Variants in H2BC9 observed in about 807,000 individuals in gnomAD.
H2BC9 encodes the protein H2B clustered histone 9, also known as histone H2B type 1-H.
A neutral mutation model predicts 5.8 loss-of-function variants in H2BC9; 11 were observed. That is an observed-to-expected ratio of 1.89 (90% CI 1.19 to 3.12). The LOEUF is 3.12. H2BC9 is among the 30% of genes most tolerant of loss of function. The pLI is 0.00. For missense variants in H2BC9, 219 were observed against 167.8 expected (o/e 1.30, Z -1.68); for synonymous variants, 136 against 72.2 (o/e 1.88, Z -4.48).
Position 26,251,635 on chromosome 6 carries a change from C to G in H2BC9, c.-16C>G. The G allele has an allele frequency of 6.2e-7, 1 of 1,613,990 alleles. No individual in the cohort carries two copies. The highest frequency in any genetic ancestry group is 8.5e-7 in the Non-Finnish European group (1 of 1,179,994). On this transcript the variant is annotated 5_prime_UTR_variant, in exon 1 of 1. Coordinates refer to ENST00000619466, the MANE Select transcript of H2BC9 (RefSeq NM_003524.3). Reference sequence around the variant, plus strand: ...CTTCACTTTGGGGTGTATTCTTACTCCTTTATCTTGTTGCAATGCCTGATC... The same window carrying G: ...CTTCACTTTGGGGTGTATTCTTACTGCTTTATCTTGTTGCAATGCCTGATC...
In H2BC9 at chr6:26,251,986, G is replaced by T. The variant is rs764642661; in HGVS notation, c.336G>T (p.Val112=). 2 of 1,614,230 alleles carry T rather than the reference G, an allele frequency of 1.2e-6. No individual in the cohort carries two copies. The highest frequency in any genetic ancestry group is 1.7e-6 in the Non-Finnish European group (2 of 1,180,036). Residue 112 remains valine (V), a synonymous_variant, in exon 1 of 1, where the codon GTG becomes GTT. Transcript: ENST00000619466. ...LLPGELAKHA[V]SEGTKAVTKY... ...CTGGGGAACTGGCCAAGCACGCCGT[G>T]TCCGAGGGCACTAAGGCCGTCACCA...
At position 26,251,813 on chromosome 6, in the gene H2BC9, A is replaced by C. The variant is rs1417923051; in HGVS notation, c.163A>C (p.Ile55Leu). Reference protein sequence around the residue: ...VLKQVHPDTGISSKAMGIMNS... With the variant: ...VLKQVHPDTGLSSKAMGIMNS... ...GAAGCAAGTCCACCCCGACACCGGC[A>C]TCTCCTCCAAAGCCATGGGGATCAT... is the stretch of plus-strand genomic sequence containing the variant. The change falls in exon 1 of 1, where the codon ATC (isoleucine) becomes CTC (leucine). Residue 55 changes from isoleucine (I) to leucine (L), a missense_variant. Physicochemically the swap from Ile to Leu is conservative, Grantham distance 5. Coordinates refer to ENST00000619466, the MANE Select transcript of H2BC9 (RefSeq NM_003524.3). 1 of 1,614,248 alleles carries C rather than the reference A, an allele frequency of 6.2e-7. No homozygotes were observed. The highest frequency in any genetic ancestry group is 1.7e-5 in the Admixed American group (1 of 60,026).
rs757423917 is a variant in H2BC9, at chr6:26,251,697, A to C, written c.47A>C (p.Lys16Thr). 6 of 1,614,192 alleles carry C rather than the reference A, an allele frequency of 3.7e-6. No individual in the cohort carries two copies. The change falls in exon 1 of 1, where the codon AAG becomes ACG. Residue 16 changes from lysine to threonine, a missense_variant. Lys to Thr is a moderately conservative substitution (Grantham distance 78). Coordinates refer to ENST00000619466, the MANE Select transcript of H2BC9 (RefSeq NM_003524.3). ...KSAPAPKKGS[K>T]KAVTKAQKKD... is the part of the protein sequence containing the mutation. Reference sequence around the variant, plus strand: ...GCTCCCGCCCCGAAGAAGGGCTCCAAGAAGGCGGTGACCAAGGCGCAGAAG... The same window carrying C: ...GCTCCCGCCCCGAAGAAGGGCTCCACGAAGGCGGTGACCAAGGCGCAGAAG...
In H2BC9 at chr6:26,251,801, C is replaced by A; in HGVS notation, c.151C>A (p.Pro51Thr). ...YVYKVLKQVH[P>T]DTGISSKAMG... Reference sequence around the variant, plus strand: ...TTACAAGGTGCTGAAGCAAGTCCACCCCGACACCGGCATCTCCTCCAAAGC... The same window carrying A: ...TTACAAGGTGCTGAAGCAAGTCCACACCGACACCGGCATCTCCTCCAAAGC... Residue 51 changes from proline (P) to threonine (T), a missense_variant, in exon 1 of 1, where the codon CCC becomes ACC. Physicochemically the swap from Pro to Thr is conservative, Grantham distance 38. Coordinates refer to ENST00000619466, the MANE Select transcript of H2BC9 (RefSeq NM_003524.3). 1 of 1,614,214 alleles carries A rather than the reference C, an allele frequency of 6.2e-7. No homozygotes were observed. Among genetic ancestry groups the A allele is most frequent in the Non-Finnish European group, 8.5e-7 (1 of 1,180,030 alleles).
Position 26,251,797 on chromosome 6 carries a change from C to A in H2BC9, c.147C>A (p.Val49=), listed in dbSNP as rs1561759827. Residue 49 remains valine (V), a synonymous_variant, in exon 1 of 1, where the codon GTC becomes GTA. Transcript: ENST00000619466. ...ACGTTTACAAGGTGCTGAAGCAAGT[C>A]CACCCCGACACCGGCATCTCCTCCA... ...SVYVYKVLKQ[V]HPDTGISSKA... 6.2e-7 allele frequency: 1 copy of A among 1,614,110 alleles called. No individual in the cohort carries two copies. Among genetic ancestry groups the A allele is most frequent in the African/African-American group, 1.3e-5 (1 of 74,940 alleles).
In H2BC9 at chr6:26,251,662, A is replaced by G. The variant is rs777126926; in HGVS notation, c.12A>G (p.Pro4=). The stretch of plus-strand genomic sequence containing the variant: ...TTTATCTTGTTGCAATGCCTGATCC[A>G]GCTAAGTCCGCTCCCGCCCCGAAGA... MPD[P]AKSAPAPKKG... The change falls in exon 1 of 1, where the codon CCA becomes CCG. Residue 4 remains proline (P), a synonymous_variant. Coordinates refer to ENST00000619466, the MANE Select transcript of H2BC9 (RefSeq NM_003524.3). 2.5e-6 allele frequency: 4 copies of G among 1,613,964 alleles called. No homozygotes were observed. The highest frequency in any genetic ancestry group is 2.5e-6 in the Non-Finnish European group (3 of 1,180,040).
Position 26,251,941 on chromosome 6 carries a change from AG to A in H2BC9, c.292del (p.Ala98ProfsTer?), listed in dbSNP as rs1361665935. ...CCATCACCTCCAGGGAGATCCAGAC[AG>A]CCGTGCGCCTGCTGCTGCCTGGGGA... ...STITSREIQT[A>X]VRLLLPGELA... is the part of the protein sequence containing the mutation. On this transcript the variant is annotated frameshift_variant, in exon 1 of 1. Transcript: ENST00000619466. LOFTEE classifies it high-confidence loss of function. 1.2e-6 allele frequency: 2 copies of A among 1,614,092 alleles called. No individual in the cohort carries two copies. The highest frequency in any genetic ancestry group is 2.7e-5 in the African/African-American group (2 of 74,924).
Position 26,251,715 on chromosome 6 carries a change from C to T in H2BC9, c.65C>T (p.Ala22Val), listed in dbSNP as rs1401840909. ...GGCTCCAAGAAGGCGGTGACCAAGGCGCAGAAGAAGGATGGCAAGAAGCGT... is the reference window on the plus strand; with the variant it reads ...GGCTCCAAGAAGGCGGTGACCAAGGTGCAGAAGAAGGATGGCAAGAAGCGT... ...KKGSKKAVTK[A>V]QKKDGKKRKR... The change falls in exon 1 of 1, where the codon GCG becomes GTG. Residue 22 changes from alanine to valine, a missense_variant. Ala to Val is a moderately conservative substitution (Grantham distance 64). Coordinates refer to ENST00000619466, the MANE Select transcript of H2BC9 (RefSeq NM_003524.3). The T allele has an allele frequency of 6.2e-7, 1 of 1,614,122 alleles. No homozygotes were observed. Among genetic ancestry groups the T allele is most frequent in the Non-Finnish European group, 8.5e-7 (1 of 1,180,022 alleles).
rs769857272 is a variant in H2BC9 at position 26,251,795 on chromosome 6, G to A, written c.145G>A (p.Val49Ile). The A allele has an allele frequency of 1.9e-6, 3 of 1,614,110 alleles. No individual in the cohort carries two copies. Among genetic ancestry groups the A allele is most frequent in the East Asian group, 2.2e-5 (1 of 44,898 alleles). ...SVYVYKVLKQ[V>I]HPDTGISSKA... ...ATACGTTTACAAGGTGCTGAAGCAA[G>A]TCCACCCCGACACCGGCATCTCCTC... Residue 49 changes from valine (V) to isoleucine (I), a missense_variant, in exon 1 of 1, where the codon GTC (valine) becomes ATC (isoleucine). Coordinates refer to ENST00000619466, the MANE Select transcript of H2BC9 (RefSeq NM_003524.3).
In H2BC9 at chr6:26,252,045, C is replaced by A. The variant is rs368923300; in HGVS notation, c.*14C>A. The A allele has an allele frequency of 1.2e-4, 194 of 1,613,978 alleles. No individual in the cohort carries two copies. The highest frequency in any genetic ancestry group is 1.5e-4 in the Non-Finnish European group (181 of 1,180,012). ...AGCTCCAAATAAATGGACGCATGTT[C>A]AAACCCAAAGGCTCTTTTCAGAGCC... On this transcript the variant is annotated 3_prime_UTR_variant, in exon 1 of 1. Transcript: ENST00000619466.
chr6:26,251,938 G>A lies in H2BC9; in HGVS notation c.288G>A (p.Gln96=), dbSNP rs1760089955. The A allele has an allele frequency of 1.2e-6, 2 of 1,614,220 alleles. No homozygotes were observed. Among genetic ancestry groups the A allele is most frequent in the African/African-American group, 1.3e-5 (1 of 75,044 alleles). ...CGACCATCACCTCCAGGGAGATCCAGACAGCCGTGCGCCTGCTGCTGCCTG... is the reference window on the plus strand; with the variant it reads ...CGACCATCACCTCCAGGGAGATCCAAACAGCCGTGCGCCTGCTGCTGCCTG... ...KRSTITSREI[Q]TAVRLLLPGE... is the part of the protein sequence containing the mutation. The change falls in exon 1 of 1, where the codon CAG becomes CAA. Residue 96 remains glutamine, a synonymous_variant. Transcript: ENST00000619466.
At position 26,251,659 on chromosome 6, in the gene H2BC9, T is replaced by TCCAG. The variant is rs1561759626; in HGVS notation, c.11_14dup (p.Lys6SerfsTer2). The TCCAG allele has an allele frequency of 6.2e-7, 1 of 1,614,010 alleles. No homozygotes were observed. Among genetic ancestry groups the TCCAG allele is most frequent in the South Asian group, 1.1e-5 (1 of 91,084 alleles). On this transcript the variant is annotated frameshift_variant, in exon 1 of 1. Coordinates refer to ENST00000619466, the MANE Select transcript of H2BC9 (RefSeq NM_003524.3). LOFTEE classifies it high-confidence loss of function. ...TCCTTTATCTTGTTGCAATGCCTGA[T>TCCAG]CCAGCTAAGTCCGCTCCCGCCCCGA...
Position 26,251,812 on chromosome 6 carries a change from C to T in H2BC9, c.162C>T (p.Gly54=), listed in dbSNP as rs374188201. The change falls in exon 1 of 1, where the codon GGC becomes GGT. Residue 54 remains glycine (G), a synonymous_variant. Transcript: ENST00000619466. ...TGAAGCAAGTCCACCCCGACACCGGCATCTCCTCCAAAGCCATGGGGATCA... is the reference window on the plus strand; with the variant it reads ...TGAAGCAAGTCCACCCCGACACCGGTATCTCCTCCAAAGCCATGGGGATCA... ...KVLKQVHPDT[G]ISSKAMGIMN... is the part of the protein sequence containing the mutation. 101 of 1,614,126 alleles carry T rather than the reference C, an allele frequency of 6.3e-5. No individual in the cohort carries two copies. The highest frequency in any genetic ancestry group is 1.6e-4 in the Middle Eastern group (1 of 6,084).
rs1039251662 is a variant in H2BC9 at position 26,251,850 on chromosome 6, T to C, written c.200T>C (p.Val67Ala). ...SKAMGIMNSFVNDIFERIAGE... is the reference protein window; with the variant it reads ...SKAMGIMNSFANDIFERIAGE... ...GCCATGGGGATCATGAATTCCTTTG[T>C]CAACGATATCTTCGAGCGCATCGCC... Residue 67 changes from valine (V) to alanine (A), a missense_variant, in exon 1 of 1, where the codon GTC (valine) becomes GCC (alanine). By Grantham distance (64) the Val-to-Ala change is moderately conservative. Coordinates refer to ENST00000619466, the MANE Select transcript of H2BC9 (RefSeq NM_003524.3). 32 of 1,614,102 alleles carry C rather than the reference T, an allele frequency of 2.0e-5. No homozygotes were observed. The highest frequency in any genetic ancestry group is 2.7e-5 in the Non-Finnish European group (32 of 1,180,048).
At position 26,251,831 on chromosome 6, in the gene H2BC9, G is replaced by A. The variant is rs371880602; in HGVS notation, c.181G>A (p.Gly61Arg). 4 of 1,614,224 alleles carry A rather than the reference G, an allele frequency of 2.5e-6. No individual in the cohort carries two copies. Among genetic ancestry groups the A allele is most frequent in the South Asian group, 2.2e-5 (2 of 91,092 alleles). Residue 61 changes from glycine (G) to arginine (R), a missense_variant, in exon 1 of 1, where the codon GGG (glycine) becomes AGG (arginine). Coordinates refer to ENST00000619466, the MANE Select transcript of H2BC9 (RefSeq NM_003524.3). ...PDTGISSKAM[G>R]IMNSFVNDIF... ...CACCGGCATCTCCTCCAAAGCCATGGGGATCATGAATTCCTTTGTCAACGA... is the reference window on the plus strand; with the variant it reads ...CACCGGCATCTCCTCCAAAGCCATGAGGATCATGAATTCCTTTGTCAACGA...
Position 26,252,042 on chromosome 6 carries a change from G to A in H2BC9, c.*11G>A. 1 of 1,614,108 alleles carries A rather than the reference G, an allele frequency of 6.2e-7. No homozygotes were observed. The highest frequency in any genetic ancestry group is 8.5e-7 in the Non-Finnish European group (1 of 1,180,004). Reference sequence around the variant, plus strand: ...ACCAGCTCCAAATAAATGGACGCATGTTCAAACCCAAAGGCTCTTTTCAGA... The same window carrying A: ...ACCAGCTCCAAATAAATGGACGCATATTCAAACCCAAAGGCTCTTTTCAGA... On this transcript the variant is annotated 3_prime_UTR_variant, in exon 1 of 1. Coordinates refer to ENST00000619466, the MANE Select transcript of H2BC9 (RefSeq NM_003524.3).
In H2BC9 at chr6:26,251,875, C is replaced by A; in HGVS notation, c.225C>A (p.Ala75=). 3.1e-6 allele frequency: 5 copies of A among 1,614,222 alleles called. No individual in the cohort carries two copies. The highest frequency in any genetic ancestry group is 2.5e-6 in the Non-Finnish European group (3 of 1,180,046). ...SFVNDIFERI[A]GEASRLAHYN... is the part of the protein sequence containing the mutation. ...TCAACGATATCTTCGAGCGCATCGC[C>A]GGCGAGGCTTCCCGCCTGGCTCATT... The change falls in exon 1 of 1, where the codon GCC becomes GCA. Residue 75 remains alanine, a synonymous_variant. Transcript: ENST00000619466.
rs567152230 is a variant in H2BC9 at position 26,251,953 on chromosome 6, G to GC, written c.304dup (p.Leu102ProfsTer16). Reference sequence around the variant, plus strand: ...GGGAGATCCAGACAGCCGTGCGCCTGCTGCTGCCTGGGGAACTGGCCAAGC... The same window carrying GC: ...GGGAGATCCAGACAGCCGTGCGCCTGCCTGCTGCCTGGGGAACTGGCCAAGC... On this transcript the variant is annotated frameshift_variant, in exon 1 of 1. Coordinates refer to ENST00000619466, the MANE Select transcript of H2BC9 (RefSeq NM_003524.3). LOFTEE classifies it high-confidence loss of function. The GC allele has an allele frequency of 4.3e-6, 7 of 1,614,250 alleles. No individual in the cohort carries two copies. The South Asian group carries it at 6.6e-5, about 15-fold the overall frequency.
At position 26,251,623 on chromosome 6, in the gene H2BC9, T is replaced by C. The variant is rs1324035228; in HGVS notation, c.-28T>C. ...GTGCTGTTGAGCCTTCACTTTGGGG[T>C]GTATTCTTACTCCTTTATCTTGTTG... On this transcript the variant is annotated 5_prime_UTR_variant, in exon 1 of 1. Transcript: ENST00000619466. 1.9e-6 allele frequency: 3 copies of C among 1,612,384 alleles called. No homozygotes were observed. The highest frequency in any genetic ancestry group is 2.5e-6 in the Non-Finnish European group (3 of 1,179,488).
Sources: allele counts gnomAD v4.1 joint callset, GRCh38; gene constraint gnomAD v4.1.1; transcripts MANE v1.5; gene names NCBI Gene and HGNC (gene_info 2026-07-23, HGNC 2026-07-21).